HOMER2: variants seen among roughly 807,000 people sequenced by gnomAD.
HOMER2 encodes homer protein homolog 2.
A neutral mutation model predicts 47.0 loss-of-function variants in HOMER2; 27 were observed. The ratio of observed to expected loss-of-function variants is 0.57; its 90% CI spans 0.42 to 0.79. The LOEUF is 0.79. HOMER2 is among the 30% of genes least tolerant of loss of function. The probability of loss-of-function intolerance (pLI) is 0.00; values close to 1 mark genes in which losing one functional copy is unlikely to be tolerated. For synonymous variants in HOMER2, 161 were observed against 163.8 expected (o/e 0.98, Z 0.13); for missense variants, 443 against 435.0 (o/e 1.02, Z -0.16).
chr15:82,870,318 G>T (rs1277919710), intron 3 of HOMER2, among the ~76,000 whole-genome samples: 2 of 152,130 alleles, frequency 1.3e-5, no homozygotes, highest in Non-Finnish European at 2.9e-5. Flanking sequence ...ATGGGCTAGG[G>T]ACCCAGCATT....
chr15:82,917,735 C>T (rs1327670726), intron 1 of HOMER2, among the ~76,000 whole-genome samples: 1 of 152,172 alleles, frequency 6.6e-6, no homozygotes, highest in Non-Finnish European at 1.5e-5. Flanking sequence ...AAACAGTGTG[C>T]CTCCCACCAG....
chr15:82,859,267 C>T, intron 4 of HOMER2, 132 bp from the exon 5 acceptor site: 1 of 1,271,358 alleles, frequency 7.9e-7, no homozygotes, highest in Non-Finnish European at 1.1e-6. Context: ...CGAACCAACT[C>T]ATCCAACCAG....
intron 1 of HOMER2, among the ~76,000 whole-genome samples, chr15:82,931,567 G>A (rs1036306622): frequency 1.3e-5 from 2 of 151,002 alleles, no homozygotes; most frequent in Non-Finnish European, 2.9e-5. Context: ...GGCCAGGTGC[G>A]GTGGCTCATG....
intron 5 of HOMER2, among the ~76,000 whole-genome samples, chr15:82,858,281 A>G (rs2051653836): frequency 6.6e-6 from 1 of 151,984 alleles, no homozygotes; most frequent in Non-Finnish European, 1.5e-5. Context: ...TCAGATGTTC[A>G]AAATTCTTTT....
At chr15:82,862,070 CTT>C (rs57065775) in intron 4 of HOMER2, among the ~76,000 whole-genome samples, 45 of 145,948 alleles carry the variant, frequency 3.1e-4, no homozygotes, top group African/African-American at 4.5e-4. Context: ...CTTTCTCTCT[CTT>C]TTTTTTTTTT....
chr15:82,941,429 T>C (rs1596373465), intron 1 of HOMER2, among the ~76,000 whole-genome samples: 2 of 115,160 alleles, frequency 1.7e-5, no homozygotes, highest in Admixed American at 2.4e-4. Flanking sequence ...GGCGACAGAG[T>C]GAGAGTCTGT....
At chr15:82,939,434 A>T (rs150396705) in intron 1 of HOMER2, among the ~76,000 whole-genome samples, 5,626 of 152,238 alleles carry the variant, frequency 0.037, 334 homozygotes, top group African/African-American at 0.13. Context: ...TGGGAGGGCA[A>T]GGTGGGCGGA....
chr15:82,977,796 TTA>T (rs1228205317), intron 1 of HOMER2, among the ~76,000 whole-genome samples: 2 of 152,036 alleles, frequency 1.3e-5, no homozygotes, highest in Non-Finnish European at 2.9e-5. Context: ...GGCTGAGTCT[TTA>T]TATATGGTTG....
intron 2 of HOMER2, 113 bp from the exon 3 acceptor site, chr15:82,875,517 T>C (rs1240333380): frequency 2.6e-6 from 3 of 1,134,628 alleles, no homozygotes; most frequent in African/African-American, 3.1e-5. Flanking sequence ...TCCTCTGCCC[T>C]GTTAAATTTG....
chr15:82,866,314 C>A (rs548664633), intron 3 of HOMER2, among the ~76,000 whole-genome samples: 2 of 152,336 alleles, frequency 1.3e-5, no homozygotes, highest in South Asian at 4.1e-4. Flanking sequence ...TTGTTTTGGT[C>A]AATTTCTCCC....
At chr15:82,889,379 C>T (rs1265383125) in intron 2 of HOMER2, among the ~76,000 whole-genome samples, 2 of 152,200 alleles carry the variant, frequency 1.3e-5, no homozygotes, top group Non-Finnish European at 2.9e-5. Flanking sequence ...GAGCAGAGCT[C>T]CAGGCTTGGG....
intron 1 of HOMER2, among the ~76,000 whole-genome samples, chr15:82,895,753 G>A (rs185504438): frequency 2.6e-5 from 4 of 152,206 alleles, no homozygotes; most frequent in Admixed American, 6.5e-5. Context: ...ATTGGGTCTC[G>A]GTTTGGGCAT....
At chr15:82,868,541 A>ATATATT in intron 3 of HOMER2, among the ~76,000 whole-genome samples, 2,318 of 71,314 alleles carry the variant, frequency 0.033, 193 homozygotes, top group Non-Finnish European at 0.048. Flanking sequence ...ATATATATAT[A>ATATATT]TTTTTTTTTT....
At chr15:82,983,475 T>G (rs1188889353) in intron 1 of HOMER2, among the ~76,000 whole-genome samples, 1 of 152,246 alleles carries the variant, frequency 6.6e-6, no homozygotes, top group African/African-American at 2.4e-5. Context: ...ATTTTACAAA[T>G]GTATTTGGGC....
intron 1 of HOMER2, among the ~76,000 whole-genome samples, chr15:82,914,685 A>G (rs2053537915): frequency 6.6e-6 from 1 of 152,200 alleles, no homozygotes; most frequent in Non-Finnish European, 1.5e-5. Flanking sequence ...TGAACTGTAC[A>G]CTTACAAATG....
At chr15:82,842,558 T>G (rs1567005266) in exon 2 of HOMER2, 1 of 148,750 alleles carries the variant, frequency 6.7e-6, no homozygotes, top group South Asian at 2.2e-4. Flanking sequence ...AGGTGATCCA[T>G]CCACCTTGGC....
intron 1 of HOMER2, among the ~76,000 whole-genome samples, chr15:82,940,009 T>C (rs567593998): frequency 1.4e-3 from 212 of 152,142 alleles, no homozygotes; most frequent in Non-Finnish European, 2.2e-3. Flanking sequence ...TAAGTGGGAA[T>C]TGAACAATGA....
At chr15:82,944,588 C>T (rs1184655411) in intron 1 of HOMER2, among the ~76,000 whole-genome samples, 1 of 152,146 alleles carries the variant, frequency 6.6e-6, no homozygotes, top group Non-Finnish European at 1.5e-5. Context: ...GACTGCTGTT[C>T]ACGTTTGACA....
upstream of HOMER2, among the ~76,000 whole-genome samples, chr15:82,953,831 C>G (rs1024021584): frequency 1.3e-5 from 2 of 152,084 alleles, no homozygotes; most frequent in East Asian, 3.9e-4. Flanking sequence ...TGTAGTGAGC[C>G]GAGATCGCAC....
Sources: allele counts gnomAD v4.1 joint callset (sites outside exome capture counted in the v4.1 genomes callset), GRCh38; gene constraint gnomAD v4.1.1; transcripts MANE v1.5; gene names NCBI Gene and HGNC (gene_info 2026-07-23, HGNC 2026-07-21).